SCN1A: variants seen among roughly 807,000 people sequenced by gnomAD.
The protein encoded by SCN1A is sodium channel protein type 1 subunit alpha.
In SCN1A, 13 loss-of-function variants were observed where a neutral mutation model predicts 193.7. The observed-to-expected ratio is 0.07, with a 90% CI of 0.04 to 0.11. The LOEUF (loss-of-function observed/expected upper bound fraction) is 0.11. Ranked by LOEUF, SCN1A falls within the 10% of genes least tolerant of loss-of-function variation. The probability of loss-of-function intolerance (pLI) is 1.00; values close to 1 mark genes in which losing one functional copy is unlikely to be tolerated. For missense variants in SCN1A, 1,432 were observed against 2,451.1 expected, an observed-to-expected ratio of 0.58 and a Z score of 8.78; for synonymous variants, 781 against 843.6, an observed-to-expected ratio of 0.93 and a Z score of 1.29.
At chr2:166,136,260 C>T (rs1222765894) in intron 1 of SCN1A, among the ~76,000 whole-genome samples, 1 of 152,096 alleles carries the variant, frequency 6.6e-6, no homozygotes, top group East Asian at 1.9e-4. Context: ...TTAATTGACA[C>T]ATAGGGGATG....
intron 1 of SCN1A, among the ~76,000 whole-genome samples, chr2:166,147,875 T>C (rs1189333110): frequency 6.6e-6 from 1 of 152,248 alleles, no homozygotes; most frequent in Non-Finnish European, 1.5e-5. Flanking sequence ...CGATCACTCA[T>C]TTTCATTCCT....
At chr2:166,105,524 G>A (rs1688593532) in intron 2 of SCN1A, among the ~76,000 whole-genome samples, 1 of 152,172 alleles carries the variant, frequency 6.6e-6, no homozygotes, top group Non-Finnish European at 1.5e-5. Flanking sequence ...TATGAAAATA[G>A]TTTACATCTA....
At chr2:165,996,224 T>A in intron 26 of SCN1A, 107 bp from the exon 27 acceptor site, 1 of 697,044 alleles carries the variant, frequency 1.4e-6, no homozygotes, top group South Asian at 1.6e-5. Flanking sequence ...AAAATTCAAC[T>A]GATTAGTATA....
chr2:166,103,481 A>G (rs1466458064), intron 2 of SCN1A, among the ~76,000 whole-genome samples: 2 of 148,400 alleles, frequency 1.3e-5, no homozygotes, highest in Non-Finnish European at 3.0e-5. Flanking sequence ...AAATAAATAA[A>G]TAAATAAATA....
At chr2:166,009,544 G>T (rs1020780754) in intron 23 of SCN1A, 175 bp downstream of exon 23, 31 of 475,498 alleles carry the variant, frequency 6.5e-5, no homozygotes. Context: ...TTTCAAGAGA[G>T]GCCTATTTCT....
intron 4 of SCN1A, among the ~76,000 whole-genome samples, chr2:166,071,018 T>C (rs1009738063): frequency 5.3e-5 from 8 of 152,178 alleles, no homozygotes; most frequent in African/African-American, 1.9e-4. Flanking sequence ...GCAAAAGGCC[T>C]GTTGAGGATG....
At chr2:166,045,380 C>A (rs1359820945) in intron 12 of SCN1A, 53 bp from the exon 13 acceptor site, 1 of 1,576,678 alleles carries the variant, frequency 6.3e-7, no homozygotes, top group African/African-American at 1.4e-5. Context: ...CTGTATCTTT[C>A]TTTGAAAGGG....
In SCN1A at chr2:165,988,397, G is replaced by C. The variant is rs1024736831; in HGVS notation, c.*2848C>G. On this transcript the variant is annotated 3_prime_UTR_variant, in exon 29 of 29. Transcript: ENST00000674923. Reference sequence around the variant, plus strand: ...TTTCATGAAGGGGACATTTACAAAAGTGTCAGCAATGTTAGGAGAAAGCTA... The same window carrying C: ...TTTCATGAAGGGGACATTTACAAAACTGTCAGCAATGTTAGGAGAAAGCTA... 6.6e-6 allele frequency: 1 copy of C among 152,194 alleles called. No homozygotes were observed. Among genetic ancestry groups the C allele is most frequent in the Admixed American group, 6.5e-5 (1 of 15,270 alleles). 9.4% of individuals were successfully genotyped at this position (152,194 alleles called of 1,614,324 possible).
chr2:166,072,837 CTTTTTTTT>C (rs796420549), intron 4 of SCN1A, among the ~76,000 whole-genome samples: 10 of 119,444 alleles, frequency 8.4e-5, no homozygotes, highest in Admixed American at 4.6e-4. Context: ...TCTCTTCTTT[CTTTTTTTT>C]TTTTTTTTTT....
intron 4 of SCN1A, among the ~76,000 whole-genome samples, chr2:166,059,952 A>C (rs563604040): frequency 6.6e-6 from 1 of 151,808 alleles, no homozygotes; most frequent in South Asian, 2.1e-4. Context: ...ATGGTCCCCC[A>C]ACCAGTACTG....
At position 166,013,702 on chromosome 2, in the gene SCN1A, C is replaced by A. The variant is rs746330975; in HGVS notation, c.3705+42G>T. On this transcript the variant is annotated intron_variant, in intron 21 of 28. Coordinates refer to ENST00000674923, the MANE Select transcript of SCN1A (RefSeq NM_001165963.4). ...AATAAGTCATCAGTATTAGAGTGTT[C>A]TAAAAATTAGTGCTGTATCACCTTT... is the stretch of plus-strand genomic sequence containing the variant. 3.2e-6 allele frequency: 5 copies of A among 1,586,120 alleles called. No homozygotes were observed. In the African/African-American group the frequency reaches 6.7e-5, roughly 21 times the overall value.
Position 166,043,879 on chromosome 2 carries a change from G to A in SCN1A, c.1833C>T (p.Pro611=), listed in dbSNP as rs1244658591. 1 of 1,614,012 alleles carries A rather than the reference G, an allele frequency of 6.2e-7. No individual in the cohort carries two copies. Among genetic ancestry groups the A allele is most frequent in the East Asian group, 2.2e-5 (1 of 44,884 alleles). Reference sequence around the variant, plus strand: ...TGTTGCGTCTCTCTCCGTGTCGTCGGGGCACAAACAAGGAATCTCTACGGC... The same window carrying A: ...TGTTGCGTCTCTCTCCGTGTCGTCGAGGCACAAACAAGGAATCTCTACGGC... ...NESRRDSLFV[P]RRHGERRNSN... is the part of the protein sequence containing the mutation. The change falls in exon 14 of 29, where the codon CCC becomes CCT. Residue 611 remains proline (P), a synonymous_variant. Coordinates refer to ENST00000674923, the MANE Select transcript of SCN1A (RefSeq NM_001165963.4).
At chr2:166,113,797 A>G (rs1689557723) in intron 2 of SCN1A, among the ~76,000 whole-genome samples, 1 of 152,184 alleles carries the variant, frequency 6.6e-6, no homozygotes, top group African/African-American at 2.4e-5. Context: ...TGATGGATGC[A>G]CTGAAGGCCG....
At chr2:166,054,134 C>T (rs1319972400) in intron 7 of SCN1A, among the ~76,000 whole-genome samples, 1 of 151,904 alleles carries the variant, frequency 6.6e-6, no homozygotes, top group African/African-American at 2.4e-5. Flanking sequence ...TTTCAAGTAT[C>T]TTCTTTCTTC....
chr2:166,095,464 C>A (rs913887108), intron 2 of SCN1A, among the ~76,000 whole-genome samples: 3 of 152,054 alleles, frequency 2.0e-5, no homozygotes, highest in African/African-American at 7.2e-5. Flanking sequence ...TTGTACAAGC[C>A]AGTTTGACAT....
At chr2:166,074,974 G>C (rs1387971157) in intron 3 of SCN1A, among the ~76,000 whole-genome samples, 1 of 152,074 alleles carries the variant, frequency 6.6e-6, no homozygotes, top group Admixed American at 6.5e-5. Context: ...GCGGTTCTTA[G>C]AACTTAACCT....
chr2:166,039,713 AAATTTGTATGGC>A, intron 16 of SCN1A, 117 bp from the exon 17 acceptor site: 1 of 889,076 alleles, frequency 1.1e-6, no homozygotes, highest in Non-Finnish European at 1.8e-6. Flanking sequence ...TTACTAACTT[AAATTTGTATGGC>A]AATTTGTAGT....
At chr2:166,020,351 ACTTCT>A (rs1301842569) in intron 19 of SCN1A, among the ~76,000 whole-genome samples, 1 of 152,190 alleles carries the variant, frequency 6.6e-6, no homozygotes, top group African/African-American at 2.4e-5. Context: ...TTTTATTATA[ACTTCT>A]CTTCATTCTA....
At chr2:166,143,201 C>G (rs555527114) in intron 1 of SCN1A, among the ~76,000 whole-genome samples, 26 of 134,880 alleles carry the variant, frequency 1.9e-4, no homozygotes, top group African/African-American at 7.1e-4. Context: ...GAGTTTCGCT[C>G]TGTCGCCCAG....
Sources: gnomAD v4.1 joint callset for allele counts (sites outside exome capture counted in the v4.1 genomes callset) on GRCh38, gnomAD v4.1.1 for gene constraint, MANE v1.5 for transcripts, NCBI Gene and HGNC (gene_info 2026-07-23, HGNC 2026-07-21) for gene names.